GSE1: variants seen among roughly 807,000 people sequenced by gnomAD.
GSE1 encodes the protein genetic suppressor element 1.
In GSE1, 32 loss-of-function variants were observed where a neutral mutation model predicts 112.6. The observed-to-expected ratio is 0.28, with a 90% CI of 0.21 to 0.38. The LOEUF (loss-of-function observed/expected upper bound fraction) is 0.38, where lower values mean the gene tolerates loss of function less well. Among genes scored for constraint, GSE1 ranks in the 10% least tolerant of loss-of-function variants. The probability of loss-of-function intolerance (pLI) is 1.00; values close to 1 mark genes in which losing one functional copy is unlikely to be tolerated. For missense variants in GSE1, 2,348 were observed against 1,699.2 expected (o/e 1.38, Z -6.71); for synonymous variants, 1,115 against 735.6 (o/e 1.52, Z -8.35).
At position 85,517,360 on chromosome 16, in the gene GSE1, G is replaced by A. The variant is rs1037157918; in HGVS notation, c.2465-116554G>A. ...CCCGTGCCACAGCTTTCTCATCTGT[G>A]AAATGGGGCAATAGAGCTGCCAGTG... is the stretch of plus-strand genomic sequence containing the variant. On this transcript the variant is annotated intron_variant, in intron 2 of 2. Transcript: ENST00000637419. Among the ~76,000 whole-genome samples the A allele has an allele frequency of 2.6e-5, 4 of 152,348 alleles. No individual in the cohort carries two copies. The East Asian group carries it at 7.7e-4, about 29-fold the overall frequency.
intron 1 of GSE1, among the ~76,000 whole-genome samples, chr16:85,173,208 G>A (rs2074392689): frequency 6.6e-6 from 1 of 152,216 alleles, no homozygotes; most frequent in Admixed American, 6.5e-5. Flanking sequence ...CCATGGCGCT[G>A]CGAGGCCTTC....
At chr16:85,382,143 G>C (rs2047561342) in intron 2 of GSE1, among the ~76,000 whole-genome samples, 1 of 152,208 alleles carries the variant, frequency 6.6e-6, no homozygotes, top group African/African-American at 2.4e-5. Context: ...CCCACGCAAT[G>C]TGGTTATCTC....
intron 2 of GSE1, among the ~76,000 whole-genome samples, chr16:85,483,692 G>A (rs1597906582): frequency 6.6e-6 from 1 of 152,280 alleles, no homozygotes; most frequent in African/African-American, 2.4e-5. Context: ...TGGCAAAAGC[G>A]TTTGCTTAAT....
At chr16:85,354,525 C>T (rs947769910) in intron 1 of GSE1, among the ~76,000 whole-genome samples, 4 of 152,232 alleles carry the variant, frequency 2.6e-5, no homozygotes, top group South Asian at 4.1e-4. Context: ...CTCACAGTCC[C>T]GCTTCCGGGA....
intron 2 of GSE1, among the ~76,000 whole-genome samples, chr16:85,550,636 C>T (rs934983559): frequency 1.3e-5 from 2 of 152,164 alleles, no homozygotes; most frequent in East Asian, 1.9e-4. Context: ...AGCTCCCAGC[C>T]GAGGCACCCC....
intron 3 of GSE1, among the ~76,000 whole-genome samples, chr16:85,653,867 C>T (rs891357949): frequency 4.6e-5 from 7 of 152,218 alleles, no homozygotes; most frequent in African/African-American, 7.2e-5. Flanking sequence ...CGCTTCACGG[C>T]GTGCTGGGTG....
intron 1 of GSE1, among the ~76,000 whole-genome samples, chr16:85,176,008 A>G (rs1376460071): frequency 6.6e-6 from 1 of 151,932 alleles, no homozygotes; most frequent in African/African-American, 2.4e-5. Flanking sequence ...TTTTGTTTTG[A>G]GACAGGGTCT....
intron 1 of GSE1, chr16:85,207,852 C>T (rs1194617902): frequency 6.6e-6 from 1 of 152,270 alleles, no homozygotes; most frequent in Non-Finnish European, 1.5e-5. Context: ...AACAAACCCA[C>T]AGAGGCTTTC....
At chr16:85,540,371 G>A (rs530014393) in intron 2 of GSE1, among the ~76,000 whole-genome samples, 14 of 152,138 alleles carry the variant, frequency 9.2e-5, no homozygotes, top group African/African-American at 9.7e-5. Context: ...TCACTCACAC[G>A]GAATAGGTAG....
At chr16:85,634,997 C>T (rs945675923) in intron 2 of GSE1, among the ~76,000 whole-genome samples, 6 of 152,284 alleles carry the variant, frequency 3.9e-5, no homozygotes, top group South Asian at 2.1e-4. Context: ...CCGCTTCATT[C>T]ACCTCCAAGG....
intron 1 of GSE1, among the ~76,000 whole-genome samples, chr16:85,629,576 C>G (rs2049373058): frequency 6.6e-6 from 1 of 152,188 alleles, no homozygotes; most frequent in African/African-American, 2.4e-5. Flanking sequence ...TCATCTCAGC[C>G]CTGCTCTGCA....
At chr16:85,390,708 C>CA (rs56399847) in intron 2 of GSE1, among the ~76,000 whole-genome samples, 30,471 of 133,824 alleles carry the variant, frequency 0.23, 4,842 homozygotes, top group Middle Eastern at 0.37. Context: ...TTCTGCCCCC[C>CA]CCACCCCTCC....
intron 2 of GSE1, among the ~76,000 whole-genome samples, chr16:85,544,566 C>G (rs1365119130): frequency 1.3e-5 from 2 of 152,288 alleles, no homozygotes; most frequent in East Asian, 3.9e-4. Flanking sequence ...GTCTGTCGCA[C>G]TAAAAAGCTC....
At chr16:85,452,161 T>A (rs1011948755) in intron 2 of GSE1, among the ~76,000 whole-genome samples, 4 of 152,242 alleles carry the variant, frequency 2.6e-5, no homozygotes, top group African/African-American at 9.6e-5. Context: ...TGAAGCCGTT[T>A]GCCACCCTGG....
intron 1 of GSE1, among the ~76,000 whole-genome samples, chr16:85,561,195 C>T (rs1428244859): frequency 2.0e-5 from 3 of 152,028 alleles, no homozygotes; most frequent in South Asian, 2.1e-4. Flanking sequence ...TCCCATTCCA[C>T]GCCAGACACG....
At chr16:85,493,980 A>T (rs1409834194) in intron 2 of GSE1, among the ~76,000 whole-genome samples, 1 of 152,146 alleles carries the variant, frequency 6.6e-6, no homozygotes, top group Non-Finnish European at 1.5e-5. Context: ...CTACCTTGGG[A>T]GGCTGAGGTG....
Position 85,459,746 on chromosome 16 carries a change from G to A in GSE1, c.2464+102103G>A, listed in dbSNP as rs181221592. Among the ~76,000 whole-genome samples, 57 of 152,294 alleles carry A rather than the reference G, an allele frequency of 3.7e-4. 1 individual carries two copies. Among genetic ancestry groups the A allele is most frequent in the Admixed American group, 1.8e-3 (27 of 15,302 alleles). On this transcript the variant is annotated intron_variant, in intron 2 of 2. Transcript: ENST00000637419. ...GAGGCCCTGAAAGTTACGTGGCCTC[G>A]GGCAAGTCACTGTTAAGACTTGTTT... is the stretch of plus-strand genomic sequence containing the variant.
upstream of GSE1, among the ~76,000 whole-genome samples, chr16:85,552,864 C>A (rs755151000): frequency 6.6e-6 from 1 of 152,218 alleles, no homozygotes; most frequent in African/African-American, 2.4e-5. Flanking sequence ...AGGTTTATTG[C>A]CTGTACAGCT....
chr16:85,191,428 C>A (rs2074818280), intron 1 of GSE1, among the ~76,000 whole-genome samples: 1 of 152,170 alleles, frequency 6.6e-6, no homozygotes, highest in African/African-American at 2.4e-5. Flanking sequence ...CTGAAAGAAA[C>A]CCCATTCTGC....
Sources: allele counts gnomAD v4.1 joint callset (sites outside exome capture counted in the v4.1 genomes callset), GRCh38; gene constraint gnomAD v4.1.1; transcripts MANE v1.5; gene names NCBI Gene and HGNC (gene_info 2026-07-23, HGNC 2026-07-21).